Variants in GRIK1 observed in about 807,000 individuals in gnomAD.
GRIK1 encodes the protein glutamate receptor ionotropic, kainate 1.
A neutral mutation model predicts 105.7 loss-of-function variants in GRIK1; 69 were observed. That is an observed-to-expected ratio of 0.65 (90% confidence interval 0.54 to 0.80). The LOEUF (loss-of-function observed/expected upper bound fraction) is 0.80, where lower values mean the gene tolerates loss of function less well. GRIK1 is among the 30% of genes least tolerant of loss of function. The probability of loss-of-function intolerance (pLI) is 0.00; values close to 1 mark genes in which losing one functional copy is unlikely to be tolerated. For synonymous variants in GRIK1, 438 were observed against 431.3 expected, an observed-to-expected ratio of 1.02 and a Z score of -0.19; for missense variants, 1,109 against 1,167.3, an observed-to-expected ratio of 0.95 and a Z score of 0.73.
chr21:29,682,547 A>C (rs2146682735), intron 3 of GRIK1, among the ~76,000 whole-genome samples: 1 of 152,316 alleles, frequency 6.6e-6, no homozygotes, highest in East Asian at 1.9e-4. Context: ...CTCCCTACTC[A>C]ATAAATAATG....
intron 1 of GRIK1, among the ~76,000 whole-genome samples, chr21:29,815,537 C>T (rs775435668): frequency 2.0e-5 from 3 of 152,118 alleles, no homozygotes; most frequent in Non-Finnish European, 2.9e-5. Flanking sequence ...ATTCTGCCTG[C>T]AGCATCATTT....
At chr21:29,589,670 C>T (rs1379343633) in intron 10 of GRIK1, among the ~76,000 whole-genome samples, 2 of 152,066 alleles carry the variant, frequency 1.3e-5, no homozygotes, top group Non-Finnish European at 2.9e-5. Flanking sequence ...TCGTGATCCA[C>T]CCTCACACCT....
chr21:29,846,235 C>T (rs1252050151), intron 1 of GRIK1, among the ~76,000 whole-genome samples: 3 of 39,516 alleles, frequency 7.6e-5, no homozygotes, highest in African/African-American at 3.5e-4. Flanking sequence ...TACTAAAATA[C>T]AAAATTAGCC....
intron 13 of GRIK1, among the ~76,000 whole-genome samples, chr21:29,580,152 T>TAC (rs1266491107): frequency 5.6e-5 from 8 of 143,076 alleles, no homozygotes; most frequent in African/African-American, 1.9e-4. Flanking sequence ...CATATATATA[T>TAC]ACACATACAT....
At chr21:29,807,959 G>A (rs1278952716) in intron 1 of GRIK1, among the ~76,000 whole-genome samples, 5 of 152,168 alleles carry the variant, frequency 3.3e-5, no homozygotes, top group Non-Finnish European at 5.9e-5. Flanking sequence ...TGAGGGGCTT[G>A]GTGAAGTGCA....
At chr21:29,903,885 C>A (rs1376581611) in intron 1 of GRIK1, among the ~76,000 whole-genome samples, 3 of 152,120 alleles carry the variant, frequency 2.0e-5, no homozygotes, top group African/African-American at 4.8e-5. Context: ...AAATGTCTAT[C>A]AATGATAAAC....
chr21:29,863,197 G>T (rs1424466522), intron 1 of GRIK1, among the ~76,000 whole-genome samples: 2 of 152,134 alleles, frequency 1.3e-5, no homozygotes, highest in Non-Finnish European at 1.5e-5. Flanking sequence ...ACATAAATTT[G>T]ATAAGCTTCT....
intron 1 of GRIK1, among the ~76,000 whole-genome samples, chr21:29,751,882 G>C (rs1362131216): frequency 6.6e-6 from 1 of 152,084 alleles, no homozygotes; most frequent in African/African-American, 2.4e-5. Flanking sequence ...CTTTCGAGAC[G>C]CTAGCTGTCT....
At chr21:29,548,608 A>G (rs1364478260) in intron 16 of GRIK1, among the ~76,000 whole-genome samples, 1 of 152,194 alleles carries the variant, frequency 6.6e-6, no homozygotes, top group East Asian at 1.9e-4. Context: ...AAGGCTGTTC[A>G]GACTCTCTAA....
chr21:29,648,772 T>C (rs1230640528), intron 6 of GRIK1, among the ~76,000 whole-genome samples: 4 of 152,094 alleles, frequency 2.6e-5, no homozygotes, highest in Admixed American at 2.6e-4. Flanking sequence ...AGGGGGCTAC[T>C]GTACTAGATG....
chr21:29,681,381 C>G (rs578017483), intron 3 of GRIK1, among the ~76,000 whole-genome samples: 70 of 152,254 alleles, frequency 4.6e-4, no homozygotes, highest in Non-Finnish European at 7.9e-4. Flanking sequence ...CCTCTCTGAC[C>G]GTCTCTTCTA....
At chr21:29,707,522 T>C (rs1197307978) in intron 1 of GRIK1, among the ~76,000 whole-genome samples, 1 of 128,886 alleles carries the variant, frequency 7.8e-6, no homozygotes, top group Non-Finnish European at 1.7e-5. Flanking sequence ...TGAGACAGTG[T>C]TTCACTCATA....
chr21:29,890,441 C>T (rs1280961621), intron 1 of GRIK1, among the ~76,000 whole-genome samples: 1 of 152,082 alleles, frequency 6.6e-6, no homozygotes, highest in East Asian at 1.9e-4. Flanking sequence ...GCTCATTGTG[C>T]AGTCTCTTCA....
intron 4 of GRIK1, among the ~76,000 whole-genome samples, chr21:29,656,149 T>G (rs1179926218): frequency 1.3e-5 from 2 of 150,556 alleles, no homozygotes; most frequent in South Asian, 4.2e-4. Flanking sequence ...GATCATGAGG[T>G]CAGGAGATAG....
chr21:29,836,982 T>A (rs187449776), intron 1 of GRIK1, among the ~76,000 whole-genome samples: 5 of 152,330 alleles, frequency 3.3e-5, no homozygotes, highest in Admixed American at 1.3e-4. Context: ...AAGTCCCTCA[T>A]GATCCAGCAC....
intron 1 of GRIK1, among the ~76,000 whole-genome samples, chr21:29,853,934 C>A (rs112658013): frequency 7.1e-4 from 108 of 152,248 alleles, no homozygotes; most frequent in African/African-American, 2.4e-3. Context: ...ATGGGTGGGT[C>A]ACAATTTTAA....
intron 1 of GRIK1, among the ~76,000 whole-genome samples, chr21:29,755,927 G>C (rs1458414843): frequency 6.6e-6 from 1 of 152,180 alleles, no homozygotes; most frequent in Non-Finnish European, 1.5e-5. Flanking sequence ...GGTTAGAAGA[G>C]AAATGCAAAG....
chr21:29,568,447 C>G (rs1187052278), intron 14 of GRIK1, among the ~76,000 whole-genome samples: 1 of 152,160 alleles, frequency 6.6e-6, no homozygotes, highest in African/African-American at 2.4e-5. Context: ...CTAACCACTC[C>G]CTGGAAAGAG....
intron 1 of GRIK1, among the ~76,000 whole-genome samples, chr21:29,707,243 A>G (rs2063930081): frequency 1.3e-5 from 2 of 152,178 alleles, no homozygotes; most frequent in South Asian, 2.1e-4. Flanking sequence ...TTTTAAAAGC[A>G]CACATACAAC....
Sources: gnomAD v4.1 joint callset for allele counts (sites outside exome capture counted in the v4.1 genomes callset) on GRCh38, gnomAD v4.1.1 for gene constraint, MANE v1.5 for transcripts, NCBI Gene and HGNC (gene_info 2026-07-23, HGNC 2026-07-21) for gene names.